Variants in ZCCHC14 observed in about 807,000 individuals in gnomAD.
ZCCHC14 encodes the protein zinc finger CCHC-type containing 14, also known as zinc finger CCHC domain-containing protein 14.
Under a neutral mutation model 85.0 loss-of-function variants are expected in ZCCHC14, and 16 were observed. The ratio of observed to expected loss-of-function variants is 0.19; its 90% CI spans 0.13 to 0.29. The LOEUF is 0.29. Among genes scored for constraint, ZCCHC14 ranks in the 10% least tolerant of loss-of-function variants. ZCCHC14 has a pLI of 1.00. For synonymous variants in ZCCHC14, 775 were observed against 630.7 expected (o/e 1.23, Z -3.43); for missense variants, 1,303 against 1,443.5 (o/e 0.90, Z 1.58).
chr16:87,445,050 A>T (rs888037795), intron 2 of ZCCHC14, among the ~76,000 whole-genome samples: 2 of 147,320 alleles, frequency 1.4e-5, no homozygotes, highest in African/African-American at 4.9e-5. Flanking sequence ...TAAATTTGTG[A>T]TTTTGTTTTT....
At chr16:87,439,923 A>T (rs1436414033) in intron 2 of ZCCHC14, among the ~76,000 whole-genome samples, 1 of 152,220 alleles carries the variant, frequency 6.6e-6, no homozygotes, top group African/African-American at 2.4e-5. Flanking sequence ...TTTAATTAAA[A>T]CGAACCAAAC....
intron 2 of ZCCHC14, among the ~76,000 whole-genome samples, chr16:87,446,252 G>A (rs1313538903): frequency 1.3e-5 from 2 of 152,176 alleles, no homozygotes; most frequent in African/African-American, 4.8e-5. Flanking sequence ...GGGAGACCAA[G>A]GTGGGTGGAT....
intron 2 of ZCCHC14, among the ~76,000 whole-genome samples, chr16:87,448,733 C>G (rs1910554408): frequency 6.6e-6 from 1 of 152,206 alleles, no homozygotes; most frequent in Non-Finnish European, 1.5e-5. Context: ...CCCTCAGCCT[C>G]CCACAAAATG....
intron 2 of ZCCHC14, among the ~76,000 whole-genome samples, chr16:87,443,070 TGGGTAATATAAAAG>T (rs1175482480): frequency 6.6e-6 from 1 of 152,204 alleles, no homozygotes; most frequent in Non-Finnish European, 1.5e-5. Flanking sequence ...GTGAAATATC[TGGGTAATATAAAAG>T]CAGTCTATTC....
chr16:87,488,816 G>A (rs28730566), intron 1 of ZCCHC14, among the ~76,000 whole-genome samples: 4,582 of 152,240 alleles, frequency 0.03, 244 homozygotes, highest in African/African-American at 0.11. Context: ...GGGCTCAAGC[G>A]ATCTGCCCAC....
At chr16:87,413,333 C>A in intron 10 of ZCCHC14, 138 bp from the exon 11 acceptor site, 1 of 1,241,546 alleles carries the variant, frequency 8.1e-7, no homozygotes, top group South Asian at 1.6e-5. Context: ...AACGAACACG[C>A]CGGCCCAGGC....
At chr16:87,427,505 C>T (rs1286397694) in intron 3 of ZCCHC14, among the ~76,000 whole-genome samples, 4 of 152,106 alleles carry the variant, frequency 2.6e-5, no homozygotes, top group Admixed American at 1.3e-4. Context: ...CTCCGCCTCC[C>T]GGGTTTAAGC....
At chr16:87,469,894 G>A (rs1911702424) in intron 1 of ZCCHC14, among the ~76,000 whole-genome samples, 1 of 152,180 alleles carries the variant, frequency 6.6e-6, no homozygotes, top group Admixed American at 6.5e-5. Flanking sequence ...GGGGGCCAGG[G>A]CCTATCTTCT....
rs779097344 is a variant in ZCCHC14 at position 87,414,436 on chromosome 16, C to G, written c.1581G>C (p.Ser527=). 1 of 1,613,358 alleles carries G rather than the reference C, an allele frequency of 6.2e-7. No homozygotes were observed. The highest frequency in any genetic ancestry group is 1.3e-5 in the African/African-American group (1 of 74,948). Residue 527 remains serine, a synonymous_variant, in exon 10 of 13, where the codon TCG becomes TCC. Transcript: ENST00000671377. ...PPTSHVGPVQ[S]GRGSHAAELR... is the part of the protein sequence containing the mutation. The stretch of plus-strand genomic sequence containing the variant: ...CACCTGCTGCATGGCTGCCCCGCCC[C>G]GACTGCACGGGCCCGACGTGGCTGG...
At position 87,463,053 on chromosome 16, in the gene ZCCHC14, A is replaced by G. The variant is rs538117766; in HGVS notation, c.571-2922T>C. Among the ~76,000 whole-genome samples, 5 of 151,150 alleles carry G rather than the reference A, an allele frequency of 3.3e-5. No individual in the cohort carries two copies. In the East Asian group the frequency reaches 9.9e-4, roughly 30 times the overall value. ...ATTGCACTCCAGCCTGGGCAACGAGAGTGAAACTCTGTCTCAAAGAAAAAG... is the reference window on the plus strand; with the variant it reads ...ATTGCACTCCAGCCTGGGCAACGAGGGTGAAACTCTGTCTCAAAGAAAAAG... On this transcript the variant is annotated intron_variant, in intron 1 of 12. Coordinates refer to ENST00000671377, the MANE Select transcript of ZCCHC14 (RefSeq NM_015144.3).
Position 87,421,930 on chromosome 16 carries a change from C to CA in ZCCHC14, c.841-1215dup, listed in dbSNP as rs377153971. 5.0e-3 allele frequency among the ~76,000 whole-genome samples: 719 copies of CA among 142,856 alleles called. 4 individuals carry two copies. Among genetic ancestry groups the CA allele is most frequent in the African/African-American group, 0.017 (642 of 38,876 alleles). The allele number at this position is 142,856 out of a possible 152,430, so 93.7% of individuals were successfully genotyped here. A position where few individuals can be genotyped will look rare whatever the true frequency, so the allele number is the denominator to read the frequency against. On this transcript the variant is annotated intron_variant, in intron 4 of 12. Transcript: ENST00000671377. ...TTCAGTCAACATTTGCAAGACATAC[C>CA]AAAAAAAAAAGGAATAAAGGGGGAA...
intron 1 of ZCCHC14, chr16:87,470,836 C>T (rs563841012): frequency 3.3e-5 from 5 of 152,172 alleles, no homozygotes; most frequent in East Asian, 1.9e-4. Flanking sequence ...AAAGGTACAC[C>T]GAAATATTAC....
At chr16:87,463,273 T>C (rs1182273728) in intron 1 of ZCCHC14, among the ~76,000 whole-genome samples, 2 of 151,972 alleles carry the variant, frequency 1.3e-5, no homozygotes, top group East Asian at 1.9e-4. Context: ...TCCCAACTAC[T>C]TGGGAGGCTA....
At chr16:87,453,574 C>G (rs1223334159) in intron 2 of ZCCHC14, among the ~76,000 whole-genome samples, 1 of 152,240 alleles carries the variant, frequency 6.6e-6, no homozygotes, top group African/African-American at 2.4e-5. Context: ...CTGCCCCAGC[C>G]ACGGTGGAGG....
intron 1 of ZCCHC14, among the ~76,000 whole-genome samples, chr16:87,478,932 T>G (rs1263606205): frequency 1.1e-4 from 16 of 152,134 alleles, no homozygotes; most frequent in Non-Finnish European, 2.1e-4. Flanking sequence ...TATAACTAGG[T>G]TGTTAGCATT....
At chr16:87,411,464 T>G (rs573245237) in intron 12 of ZCCHC14, 52 bp downstream of exon 12, 3 of 1,588,260 alleles carry the variant, frequency 1.9e-6, no homozygotes, top group Non-Finnish European at 2.6e-6. Context: ...CAAGCATTTG[T>G]GTGCACTGGT....
At chr16:87,429,332 C>A (rs997135263) in intron 3 of ZCCHC14, among the ~76,000 whole-genome samples, 17 of 152,172 alleles carry the variant, frequency 1.1e-4, no homozygotes, top group African/African-American at 3.6e-4. Flanking sequence ...CATGTATCTT[C>A]CTTGGCAAAT....
Position 87,452,101 on chromosome 16 carries a change from C to T in ZCCHC14, c.694+7907G>A, listed in dbSNP as rs116633545. ...ACTGGACTGGTCCCTGCTTGACAGA[C>T]TGAAGAGGGGCAAGGCCAGAGACAG... is the stretch of plus-strand genomic sequence containing the variant. On this transcript the variant is annotated intron_variant, in intron 2 of 12. Transcript: ENST00000671377. Among the ~76,000 whole-genome samples the T allele has an allele frequency of 7.0e-3, 1,064 of 152,294 alleles. 11 individuals carry two copies. The highest frequency in any genetic ancestry group is 0.024 in the African/African-American group (1,010 of 41,558).
At chr16:87,421,985 T>C (rs1484186853) in intron 4 of ZCCHC14, among the ~76,000 whole-genome samples, 1 of 151,550 alleles carries the variant, frequency 6.6e-6, no homozygotes, top group Non-Finnish European at 1.5e-5. Flanking sequence ...AAAGCAATCA[T>C]TAGAACCAGA....
Sources: allele counts gnomAD v4.1 joint callset (sites outside exome capture counted in the v4.1 genomes callset), GRCh38; gene constraint gnomAD v4.1.1; transcripts MANE v1.5; gene names NCBI Gene and HGNC (gene_info 2026-07-23, HGNC 2026-07-21).